ANKS1B: variants seen among roughly 807,000 people sequenced by gnomAD.
The protein encoded by ANKS1B is ankyrin repeat and sterile alpha motif domain-containing protein 1B.
ANKS1B carries 36 observed loss-of-function variants against 148.3 expected under a neutral mutation model. The observed-to-expected ratio is 0.24, with a 90% CI of 0.19 to 0.32. The LOEUF (loss-of-function observed/expected upper bound fraction) is 0.32, where lower values mean the gene tolerates loss of function less well. Among genes scored for constraint, ANKS1B ranks in the 10% least tolerant of loss-of-function variants. The probability of loss-of-function intolerance (pLI) is 1.00; values close to 1 mark genes in which losing one functional copy is unlikely to be tolerated. For synonymous variants in ANKS1B, 542 were observed against 560.8 expected (o/e 0.97, Z 0.47); for missense variants, 1,157 against 1,542.6 (o/e 0.75, Z 4.19).
intron 8 of ANKS1B, among the ~76,000 whole-genome samples, chr12:99,701,189 T>C (rs2054753936): frequency 1.3e-5 from 2 of 152,192 alleles, no homozygotes; most frequent in South Asian, 4.1e-4. Flanking sequence ...CACCACTTCC[T>C]GACACCAGTT....
chr12:98,930,630 T>G (rs1414381398), intron 17 of ANKS1B, among the ~76,000 whole-genome samples: 1 of 151,982 alleles, frequency 6.6e-6, no homozygotes, highest in Non-Finnish European at 1.5e-5. Flanking sequence ...CATACTATAA[T>G]CTGGTGAACC....
chr12:99,940,633 T>C lies in ANKS1B; in HGVS notation c.134+43471A>G, dbSNP rs532757232. ...CTGAAAAGATGGATCCCACATTACA[T>C]CTTACTTAACGCTTCCAACTTGCTA... is the stretch of plus-strand genomic sequence containing the variant. On this transcript the variant is annotated intron_variant, in intron 1 of 26. Transcript: ENST00000683438. Among the ~76,000 whole-genome samples the C allele has an allele frequency of 2.6e-5, 4 of 152,254 alleles. No individual in the cohort carries two copies. In the South Asian group the frequency reaches 8.3e-4, roughly 32 times the overall value.
intron 1 of ANKS1B, among the ~76,000 whole-genome samples, chr12:99,839,610 C>A (rs1322291353): frequency 3.9e-5 from 6 of 152,054 alleles, no homozygotes; most frequent in South Asian, 2.1e-4. Flanking sequence ...AACATACTTA[C>A]ATAGTGAATA....
chr12:99,320,676 C>T (rs1009322109), intron 12 of ANKS1B, among the ~76,000 whole-genome samples: 1 of 152,150 alleles, frequency 6.6e-6, no homozygotes, highest in Non-Finnish European at 1.5e-5. Flanking sequence ...TATTACTGAT[C>T]ATCTGAAGCC....
At chr12:99,050,690 CTTTTTT>C (rs62812561) in intron 17 of ANKS1B, among the ~76,000 whole-genome samples, 20 of 113,556 alleles carry the variant, frequency 1.8e-4, no homozygotes, top group South Asian at 5.9e-4. Context: ...TTTTCTTTTT[CTTTTTT>C]TTTTTTTTTT....
At chr12:99,294,574 C>G (rs1468277716) in intron 12 of ANKS1B, among the ~76,000 whole-genome samples, 1 of 151,560 alleles carries the variant, frequency 6.6e-6, no homozygotes, top group African/African-American at 2.4e-5. Flanking sequence ...TTAGCGGATA[C>G]AAAAATACAG....
At position 99,836,286 on chromosome 12, in the gene ANKS1B, A is replaced by T. The variant is rs568293315; in HGVS notation, c.135-10897T>A. ...TTGGCTTTGTAGTAAATACATGTCT[A>T]TTTGAGTCACAAACAATTTCTTAAA... On this transcript the variant is annotated intron_variant, in intron 1 of 26. Transcript: ENST00000683438. Among the ~76,000 whole-genome samples the T allele has an allele frequency of 2.6e-5, 4 of 152,244 alleles. No individual in the cohort carries two copies. The East Asian group carries it at 7.7e-4, about 29-fold the overall frequency.
At chr12:99,386,378 A>C (rs2093859164) in intron 12 of ANKS1B, 1 of 152,198 alleles carries the variant, frequency 6.6e-6, no homozygotes, top group Non-Finnish European at 1.5e-5. Context: ...ATATGTTGAA[A>C]GGTCTCATTC....
chr12:99,981,319 T>C (rs1375399748), intron 1 of ANKS1B, among the ~76,000 whole-genome samples: 1 of 152,038 alleles, frequency 6.6e-6, no homozygotes, highest in Non-Finnish European at 1.5e-5. Context: ...TTGCTGAAAA[T>C]TGCAGTGCCA....
chr12:99,388,421 C>G (rs1009642318), intron 12 of ANKS1B, among the ~76,000 whole-genome samples: 2 of 152,106 alleles, frequency 1.3e-5, no homozygotes, highest in African/African-American at 4.8e-5. Flanking sequence ...TTTTAAAATC[C>G]TTCCCTCTTT....
At chr12:99,736,114 C>T (rs2059595229) in intron 8 of ANKS1B, among the ~76,000 whole-genome samples, 1 of 151,898 alleles carries the variant, frequency 6.6e-6, no homozygotes, top group Non-Finnish European at 1.5e-5. Context: ...GATATCTCAG[C>T]ATAATAAAGG....
intron 1 of ANKS1B, among the ~76,000 whole-genome samples, chr12:99,974,986 A>T (rs910348081): frequency 6.6e-6 from 1 of 151,406 alleles, no homozygotes; most frequent in African/African-American, 2.4e-5. Context: ...CTGTCCTTAT[A>T]AAAAAAAATC....
intron 25 of ANKS1B, among the ~76,000 whole-genome samples, chr12:98,754,724 C>T (rs2098189118): frequency 6.6e-6 from 1 of 152,164 alleles, no homozygotes; most frequent in Admixed American, 6.5e-5. Flanking sequence ...TTCATTTGAG[C>T]AAGTGAGGTT....
At chr12:99,977,396 C>T (rs1183213211) in intron 1 of ANKS1B, among the ~76,000 whole-genome samples, 4 of 152,246 alleles carry the variant, frequency 2.6e-5, no homozygotes, top group African/African-American at 7.2e-5. Context: ...GTGATACTCC[C>T]GTCTCAGCCT....
intron 15 of ANKS1B, among the ~76,000 whole-genome samples, chr12:99,143,740 C>T (rs922676441): frequency 2.0e-5 from 3 of 152,136 alleles, no homozygotes; most frequent in Non-Finnish European, 4.4e-5. Context: ...AGAAAGTTTC[C>T]TTAGTCTAGA....
chr12:99,903,835 A>C (rs1356508674), intron 1 of ANKS1B, among the ~76,000 whole-genome samples: 1 of 152,162 alleles, frequency 6.6e-6, no homozygotes, highest in Non-Finnish European at 1.5e-5. Flanking sequence ...AGATCACACT[A>C]AAGAGCTTAC....
chr12:99,535,283 G>T (rs1056724880), intron 9 of ANKS1B, among the ~76,000 whole-genome samples: 1 of 152,134 alleles, frequency 6.6e-6, no homozygotes, highest in African/African-American at 2.4e-5. Flanking sequence ...AAACTCCTCT[G>T]GTTTCCTGGC....
intron 9 of ANKS1B, among the ~76,000 whole-genome samples, chr12:99,599,901 T>G (rs2097787582): frequency 2.0e-5 from 3 of 150,912 alleles, no homozygotes; most frequent in African/African-American, 7.3e-5. Flanking sequence ...TTTAGAGATC[T>G]AGATTTAGGA....
At chr12:98,774,508 A>C (rs2098647103) in intron 24 of ANKS1B, among the ~76,000 whole-genome samples, 1 of 152,248 alleles carries the variant, frequency 6.6e-6, no homozygotes, top group Admixed American at 6.5e-5. Flanking sequence ...GTTTAAAAAG[A>C]AAAAAAGAAA....
Sources: allele counts gnomAD v4.1 joint callset (sites outside exome capture counted in the v4.1 genomes callset), GRCh38; gene constraint gnomAD v4.1.1; transcripts MANE v1.5; gene names NCBI Gene and HGNC (gene_info 2026-07-23, HGNC 2026-07-21).